The following TTC28 variants were observed in gnomAD, a reference collection of about 807,000 sequenced individuals.
The protein encoded by TTC28 is tetratricopeptide repeat domain 28.
A neutral mutation model predicts 198.0 loss-of-function variants in TTC28; 61 were observed. The observed-to-expected ratio is 0.31, with a 90% CI of 0.25 to 0.38. The LOEUF (loss-of-function observed/expected upper bound fraction) is 0.38, where lower values mean the gene tolerates loss of function less well. Ranked by LOEUF, TTC28 falls within the 10% of genes least tolerant of loss-of-function variation. TTC28 has a pLI of 1.00. For synonymous variants in TTC28, 1,171 were observed against 1,297.8 expected, an observed-to-expected ratio of 0.90 and a Z score of 2.10; for missense variants, 2,678 against 3,164.0, an observed-to-expected ratio of 0.85 and a Z score of 3.69.
chr22:28,090,011 G>A (rs1941763542), intron 12 of TTC28, among the ~76,000 whole-genome samples: 1 of 151,764 alleles, frequency 6.6e-6, no homozygotes, highest in South Asian at 2.1e-4. Flanking sequence ...TATACCTAAT[G>A]CTAAATGACG....
At chr22:28,316,546 TC>T (rs1292534853) in intron 2 of TTC28, among the ~76,000 whole-genome samples, 1 of 152,190 alleles carries the variant, frequency 6.6e-6, no homozygotes, top group Non-Finnish European at 1.5e-5. Context: ...AGAACTGGCA[TC>T]ATAACTATAG....
Position 28,457,448 on chromosome 22 carries a change from C to G in TTC28, c.382-150805G>C, listed in dbSNP as rs1023223171. 2.0e-5 allele frequency among the ~76,000 whole-genome samples: 3 copies of G among 152,140 alleles called. No individual in the cohort carries two copies. In the East Asian group the frequency reaches 5.8e-4, roughly 29 times the overall value. On this transcript the variant is annotated intron_variant, in intron 2 of 22. Coordinates refer to ENST00000397906, the MANE Select transcript of TTC28 (RefSeq NM_001145418.2). ...AAAGTCTAATCTTAAAATACAATGACAATCCTATGTGTTAAAATCCGTTCC... is the reference window on the plus strand; with the variant it reads ...AAAGTCTAATCTTAAAATACAATGAGAATCCTATGTGTTAAAATCCGTTCC...
intron 2 of TTC28, among the ~76,000 whole-genome samples, chr22:28,336,866 T>G (rs956875124): frequency 5.9e-5 from 9 of 152,210 alleles, no homozygotes; most frequent in African/African-American, 2.2e-4. Context: ...TTTAGTTATT[T>G]CTTGCCTTCT....
chr22:28,085,623 C>T (rs888388240), intron 12 of TTC28, among the ~76,000 whole-genome samples: 1 of 152,108 alleles, frequency 6.6e-6, no homozygotes, highest in Non-Finnish European at 1.5e-5. Flanking sequence ...AAATAACCAG[C>T]TAACATCATA....
intron 3 of TTC28, among the ~76,000 whole-genome samples, chr22:28,303,440 G>A (rs2045067614): frequency 6.6e-6 from 1 of 151,930 alleles, no homozygotes; most frequent in African/African-American, 2.4e-5. Context: ...ATATCCACAG[G>A]AGAAAAGGTT....
chr22:28,321,748 A>C (rs537278341), intron 2 of TTC28, among the ~76,000 whole-genome samples: 2 of 152,320 alleles, frequency 1.3e-5, no homozygotes, highest in Admixed American at 1.3e-4. Context: ...ATGCAGCAAA[A>C]CTTAGGATAA....
chr22:28,293,223 G>A (rs907834349), intron 5 of TTC28, among the ~76,000 whole-genome samples: 28 of 152,028 alleles, frequency 1.8e-4, no homozygotes, highest in African/African-American at 4.6e-4. Context: ...ATCAAGAAAC[G>A]AAAGTGTAAA....
intron 12 of TTC28, among the ~76,000 whole-genome samples, chr22:28,081,642 GC>G (rs1941366685): frequency 1.3e-5 from 2 of 152,078 alleles, no homozygotes; most frequent in East Asian, 3.9e-4. Flanking sequence ...ACAGGCGTGC[GC>G]CACCTTGCCC....
At chr22:28,525,591 A>ATTTTTTCTTT (rs1276936138) in intron 2 of TTC28, among the ~76,000 whole-genome samples, 3 of 152,132 alleles carry the variant, frequency 2.0e-5, no homozygotes, top group Admixed American at 2.0e-4. Context: ...AGAGAACTTC[A>ATTTTTTCTTT]TTTTTTCTTT....
At chr22:28,321,502 T>G (rs1467175827) in intron 2 of TTC28, among the ~76,000 whole-genome samples, 9 of 152,182 alleles carry the variant, frequency 5.9e-5, no homozygotes, top group African/African-American at 2.4e-5. Flanking sequence ...AAGGAAGCAG[T>G]GTGGAAAGTG....
At chr22:28,184,713 T>C (rs546577337) in intron 5 of TTC28, among the ~76,000 whole-genome samples, 1 of 152,246 alleles carries the variant, frequency 6.6e-6, no homozygotes, top group African/African-American at 2.4e-5. Context: ...TATGATCAAA[T>C]TATTCATCAT....
chr22:28,537,187 G>A (rs1013662452), intron 2 of TTC28, among the ~76,000 whole-genome samples: 2 of 151,476 alleles, frequency 1.3e-5, no homozygotes, highest in Non-Finnish European at 2.9e-5. Context: ...CAGCTACTCG[G>A]GAGGCCGAGG....
At chr22:28,269,532 TA>T (rs1367732926) in intron 5 of TTC28, among the ~76,000 whole-genome samples, 2 of 152,166 alleles carry the variant, frequency 1.3e-5, no homozygotes, top group Non-Finnish European at 1.5e-5. Flanking sequence ...CTGACTTCTA[TA>T]ACACAATGTT....
intron 12 of TTC28, among the ~76,000 whole-genome samples, chr22:28,083,004 T>C (rs1055198126): frequency 1.3e-5 from 2 of 152,094 alleles, no homozygotes; most frequent in African/African-American, 4.8e-5. Flanking sequence ...TACGGAAATA[T>C]ATTTCTATAA....
In TTC28 at chr22:27,992,605, G is replaced by C; in HGVS notation, c.5535C>G (p.Gly1845=). ...LCKLITASET[G]EQLISRAVKN... ...GACTTACCCGGCTGATGAGCTGCTC[G>C]CCCGTCTCGGAGGCAGTGATGAGTT... Residue 1845 remains glycine, a synonymous_variant, in exon 19 of 23, where the codon GGC becomes GGG. Coordinates refer to ENST00000397906, the MANE Select transcript of TTC28 (RefSeq NM_001145418.2). 6.4e-7 allele frequency: 1 copy of C among 1,551,550 alleles called. No homozygotes were observed. The highest frequency in any genetic ancestry group is 8.7e-7 in the Non-Finnish European group (1 of 1,146,964).
intron 2 of TTC28, among the ~76,000 whole-genome samples, chr22:28,608,901 C>T (rs528898386): frequency 4.5e-4 from 68 of 152,202 alleles, no homozygotes; most frequent in Non-Finnish European, 8.4e-4. Context: ...CACACAAAAG[C>T]CAATAACAAC....
At chr22:28,070,386 A>G (rs1940920463) in intron 12 of TTC28, among the ~76,000 whole-genome samples, 1 of 152,232 alleles carries the variant, frequency 6.6e-6, no homozygotes, top group African/African-American at 2.4e-5. Flanking sequence ...TAGAAACCCA[A>G]AAAAGTAAGA....
At position 27,982,998 on chromosome 22, in the gene TTC28, C is replaced by T. The variant is rs1247347097; in HGVS notation, c.6669G>A (p.Lys2223=). The T allele has an allele frequency of 3.9e-6, 6 of 1,551,658 alleles. No individual in the cohort carries two copies. Among genetic ancestry groups the T allele is most frequent in the Non-Finnish European group, 5.2e-6 (6 of 1,146,978 alleles). ...TAACAGTGACTGGTGATGGCTGACT[C>T]TTCTGATGGGAGAGAACAGGCCTGC... ...AFSRPVLSHQ[K]SQPSPVTVKP... is the part of the protein sequence containing the mutation. The change falls in exon 23 of 23, where the codon AAG becomes AAA. Residue 2223 remains lysine (K), a synonymous_variant. Transcript: ENST00000397906. The surrounding 1 kb of genome is among the most constrained non-coding windows in gnomAD (Gnocchi z 5.2).
intron 2 of TTC28, among the ~76,000 whole-genome samples, chr22:28,426,374 C>T (rs1221185090): frequency 6.6e-6 from 1 of 152,040 alleles, no homozygotes; most frequent in Non-Finnish European, 1.5e-5. Flanking sequence ...CTTAAAATGC[C>T]AAGGTTAACA....
Sources: allele counts gnomAD v4.1 joint callset (sites outside exome capture counted in the v4.1 genomes callset), GRCh38; gene constraint gnomAD v4.1.1; non-coding constraint Gnocchi (gnomAD v3.1); transcripts MANE v1.5; gene names NCBI Gene and HGNC (gene_info 2026-07-23, HGNC 2026-07-21).